The following PALM2AKAP2 variants were observed in gnomAD, a reference collection of about 807,000 sequenced individuals.
PALM2AKAP2 encodes PALM2-AKAP2 fusion protein.
PALM2AKAP2 carries 37 observed loss-of-function variants against 71.5 expected under a neutral mutation model. The observed-to-expected ratio is 0.52, with a 90% CI of 0.40 to 0.68. PALM2AKAP2 has a LOEUF of 0.68. Ranked by LOEUF, PALM2AKAP2 falls within the 30% of genes least tolerant of loss-of-function variation. The pLI is 0.00. For missense variants in PALM2AKAP2, 1,224 were observed against 1,191.8 expected (o/e 1.03, Z -0.40); for synonymous variants, 468 against 478.8 (o/e 0.98, Z 0.29).
intron 1 of PALM2AKAP2, among the ~76,000 whole-genome samples, chr9:109,679,205 A>T (rs969905497): frequency 6.6e-6 from 1 of 152,152 alleles, no homozygotes; most frequent in African/African-American, 2.4e-5. Context: ...AAGTGTTTTT[A>T]TTTTGGAGCT....
chr9:109,648,369 C>T (rs1426199786), intron 1 of PALM2AKAP2, among the ~76,000 whole-genome samples: 3 of 152,124 alleles, frequency 2.0e-5, no homozygotes, highest in East Asian at 1.9e-4. Flanking sequence ...TTCATTCAAT[C>T]GACGGATTCT....
At chr9:109,667,532 G>A (rs965126364) in intron 1 of PALM2AKAP2, among the ~76,000 whole-genome samples, 1 of 152,232 alleles carries the variant, frequency 6.6e-6, no homozygotes, top group Admixed American at 6.5e-5. Context: ...GCTCACGCCT[G>A]TAATCCCAGC....
chr9:109,996,071 C>G (rs185471658), intron 6 of PALM2AKAP2, among the ~76,000 whole-genome samples: 8 of 152,316 alleles, frequency 5.3e-5, no homozygotes, highest in Admixed American at 3.3e-4. Flanking sequence ...CACAAAGACT[C>G]TAAATATGTC....
intron 3 of PALM2AKAP2, among the ~76,000 whole-genome samples, chr9:109,908,808 G>GCACACACACACACACACACA (rs59715039): frequency 2.0e-5 from 3 of 150,116 alleles, no homozygotes; most frequent in Non-Finnish European, 4.4e-5. Flanking sequence ...GGATGCGTGT[G>GCACACACACACACACACACA]CACACACACA....
intron 6 of PALM2AKAP2, among the ~76,000 whole-genome samples, chr9:110,001,343 T>G (rs1832677228): frequency 6.6e-6 from 1 of 152,224 alleles, no homozygotes; most frequent in Admixed American, 6.5e-5. Context: ...GCATTATTTC[T>G]GAGGGCTCTG....
chr9:109,736,414 A>G (rs1371184043), intron 1 of PALM2AKAP2, among the ~76,000 whole-genome samples: 1 of 151,680 alleles, frequency 6.6e-6, no homozygotes, highest in Non-Finnish European at 1.5e-5. Flanking sequence ...AATCTTCCAA[A>G]CCGAAAGTGA....
intron 3 of PALM2AKAP2, among the ~76,000 whole-genome samples, chr9:109,920,046 T>C (rs1830791093): frequency 6.6e-6 from 1 of 152,240 alleles, no homozygotes; most frequent in South Asian, 2.1e-4. Context: ...GTCTATTCCA[T>C]GTGTGTTCTT....
chr9:109,859,499 A>G (rs912199780), intron 1 of PALM2AKAP2, among the ~76,000 whole-genome samples: 15 of 152,248 alleles, frequency 9.9e-5, no homozygotes, highest in African/African-American at 3.6e-4. Context: ...TGGTTATTAT[A>G]CATCCTATGC....
chr9:109,784,444 C>G (rs751482912), intron 1 of PALM2AKAP2, among the ~76,000 whole-genome samples: 1 of 152,146 alleles, frequency 6.6e-6, no homozygotes, highest in Non-Finnish European at 1.5e-5. Flanking sequence ...TCCCAATTAC[C>G]AGGAGGCATT....
intron 1 of PALM2AKAP2, among the ~76,000 whole-genome samples, chr9:109,799,302 A>T (rs1471665188): frequency 6.6e-6 from 1 of 152,138 alleles, no homozygotes; most frequent in Non-Finnish European, 1.5e-5. Flanking sequence ...TGGGGCAAAG[A>T]TGTGGTCTGT....
chr9:110,043,716 G>GTT (rs61128628), upstream of PALM2AKAP2, among the ~76,000 whole-genome samples: 13,755 of 88,568 alleles, frequency 0.16, 1,133 homozygotes, highest in Non-Finnish European at 0.2. Flanking sequence ...TTTTTTTGGT[G>GTT]TTTTTTTTTT....
chr9:109,948,882 A>G (rs1390467482), intron 6 of PALM2AKAP2, among the ~76,000 whole-genome samples: 1 of 152,222 alleles, frequency 6.6e-6, no homozygotes, highest in Non-Finnish European at 1.5e-5. Context: ...AAAATGAATG[A>G]CAAAAAATAG....
chr9:110,119,043 T>C (rs2118993296), intron 1 of PALM2AKAP2, among the ~76,000 whole-genome samples: 1 of 152,116 alleles, frequency 6.6e-6, no homozygotes, highest in East Asian at 1.9e-4. Context: ...TGTATGATAT[T>C]CCATTTAATG....
intron 6 of PALM2AKAP2, among the ~76,000 whole-genome samples, chr9:110,004,318 G>A (rs975463763): frequency 6.6e-6 from 1 of 152,068 alleles, no homozygotes; most frequent in African/African-American, 2.4e-5. Context: ...TGAAATTCTG[G>A]GTTGAAAATT....
At chr9:109,659,303 G>T (rs1827354205) in intron 1 of PALM2AKAP2, among the ~76,000 whole-genome samples, 1 of 152,068 alleles carries the variant, frequency 6.6e-6, no homozygotes, top group South Asian at 2.1e-4. Context: ...CCACAAAGTT[G>T]CCCATAAAGT....
At chr9:109,726,351 C>T (rs919955719) in intron 1 of PALM2AKAP2, among the ~76,000 whole-genome samples, 1 of 152,190 alleles carries the variant, frequency 6.6e-6, no homozygotes. Context: ...GCAGGGCTCC[C>T]GGTGGAGGCA....
At chr9:110,132,789 T>C (rs529160976) in intron 1 of PALM2AKAP2, among the ~76,000 whole-genome samples, 1 of 152,008 alleles carries the variant, frequency 6.6e-6, no homozygotes, top group East Asian at 1.9e-4. Context: ...TTTGTATGTT[T>C]AGTGGAGAGG....
intron 2 of PALM2AKAP2, 30 bp downstream of exon 2, chr9:109,867,601 A>G: frequency 1.9e-6 from 3 of 1,602,708 alleles, no homozygotes; most frequent in Non-Finnish European, 2.5e-6. Context: ...AACCTATTCC[A>G]TTATTAGACA....
At position 109,696,992 on chromosome 9, in the gene PALM2AKAP2, G is replaced by A. The variant is rs376624036; in HGVS notation, c.5+56126G>A. Among the ~76,000 whole-genome samples, 32 of 152,186 alleles carry A rather than the reference G, an allele frequency of 2.1e-4. 1 individual carries two copies. In the East Asian group the frequency reaches 3.9e-3, roughly 18 times the overall value. ...TTGACTAAAACCTCATCTTTCCTTAGCTTCTTCCCCAGCCTAACTTTTCTC... is the reference window on the plus strand; with the variant it reads ...TTGACTAAAACCTCATCTTTCCTTAACTTCTTCCCCAGCCTAACTTTTCTC... On this transcript the variant is annotated intron_variant, in intron 1 of 6. Coordinates refer to the PALM2AKAP2 transcript ENST00000374531.
Sources: gnomAD v4.1 joint callset for allele counts (sites outside exome capture counted in the v4.1 genomes callset) on GRCh38, gnomAD v4.1.1 for gene constraint, MANE v1.5 for transcripts, NCBI Gene and HGNC (gene_info 2026-07-23, HGNC 2026-07-21) for gene names.